Variants in SEZ6L2 observed in about 807,000 individuals in gnomAD.
SEZ6L2 encodes seizure related 6 homolog like 2.
In SEZ6L2, 44 loss-of-function variants were observed where a neutral mutation model predicts 97.0. The observed-to-expected ratio is 0.45, with a 90% CI of 0.36 to 0.58. SEZ6L2 has a LOEUF of 0.58. SEZ6L2 is among the 20% of genes least tolerant of loss of function. The pLI is 0.00. For synonymous variants in SEZ6L2, 543 were observed against 546.1 expected, an observed-to-expected ratio of 0.99 and a Z score of 0.08; for missense variants, 1,086 against 1,233.3, an observed-to-expected ratio of 0.88 and a Z score of 1.79.
At position 29,873,829 on chromosome 16, in the gene SEZ6L2, C is replaced by T. The variant is rs750032790; in HGVS notation, c.2105-100G>A. The T allele has an allele frequency of 2.1e-4, 239 of 1,117,170 alleles. 1 individual carries two copies. The highest frequency in any genetic ancestry group is 8.9e-4 in the South Asian group (55 of 62,072). 69.2% of individuals were successfully genotyped at this position (1,117,170 alleles called of 1,614,324 possible). A position where few individuals can be genotyped will look rare whatever the true frequency, so the allele number is the denominator to read the frequency against. On this transcript the variant is annotated intron_variant, in intron 12 of 17. Coordinates refer to ENST00000617533, the MANE Select transcript of SEZ6L2 (RefSeq NM_001243332.2). The surrounding 1 kb of genome is among the most constrained non-coding windows in gnomAD (Gnocchi z 4.3). ...TCTCTACAAAAAATTGAAAAATTAG[C>T]CAGGAGTGGTGGCGCACTCCTGTGG... is the stretch of plus-strand genomic sequence containing the variant.
Position 29,887,752 on chromosome 16 carries a change from C to T in SEZ6L2, c.1105G>A (p.Ala369Thr). 6.2e-7 allele frequency: 1 copy of T among 1,613,736 alleles called. No individual in the cohort carries two copies. Among genetic ancestry groups the T allele is most frequent in the Non-Finnish European group, 8.5e-7 (1 of 1,179,848 alleles). The part of the protein sequence containing the change: ...GRIVSPEPGG[A>T]VGPNLTCRWV... ...CGGCAGGTGAGGTTGGGCCCTACGGCTCCCCCAGGCTCTGGGGACACGATG... is the reference window on the plus strand; with the variant it reads ...CGGCAGGTGAGGTTGGGCCCTACGGTTCCCCCAGGCTCTGGGGACACGATG... Residue 369 changes from alanine (A) to threonine (T), a missense_variant, in exon 7 of 18, where the codon GCC becomes ACC. By Grantham distance (58) the Ala-to-Thr change is moderately conservative (BLOSUM62 0). Coordinates refer to ENST00000617533, the MANE Select transcript of SEZ6L2 (RefSeq NM_001243332.2).
In SEZ6L2 at chr16:29,895,395, G is replaced by A. The variant is rs1384510766; in HGVS notation, c.717C>T (p.Gly239=). 6.2e-7 allele frequency: 1 copy of A among 1,614,096 alleles called. No homozygotes were observed. The highest frequency in any genetic ancestry group is 1.7e-5 in the Admixed American group (1 of 60,004). Residue 239 remains glycine (G), a synonymous_variant, in exon 5 of 18, where the codon GGC becomes GGT. Transcript: ENST00000617533. ...LLVLAGGGSP[G]LAPRLLANSS... is the part of the protein sequence containing the mutation. ...AGTTGGCCAGGAGTCGGGGGGCCAGGCCTGGGGATCCCCCACCAGCCAGCA... is the reference window on the plus strand; with the variant it reads ...AGTTGGCCAGGAGTCGGGGGGCCAGACCTGGGGATCCCCCACCAGCCAGCA...
Position 29,877,438 on chromosome 16 carries a change from G to C in SEZ6L2, c.1742C>G (p.Thr581Arg). The change falls in exon 11 of 18, where the codon ACG (threonine) becomes AGG (arginine). Residue 581 changes from threonine to arginine, a missense_variant. Around this residue, in one of 2 missense-constraint regions of SEZ6L2, gnomAD observed 776 missense variants for 794.7 expected, o/e 0.98. Transcript: ENST00000617533. The part of the protein sequence containing the change: ...ILNVREGDML[T>R]LFDGDGPSAR... Reference sequence around the variant, plus strand: ...GCTGGGACCGTCCCCGTCGAACAGCGTCAGCATGTCCCCTTCCCGCACATT... The same window carrying C: ...GCTGGGACCGTCCCCGTCGAACAGCCTCAGCATGTCCCCTTCCCGCACATT... 1 of 1,606,638 alleles carries C rather than the reference G, an allele frequency of 6.2e-7. No homozygotes were observed. Among genetic ancestry groups the C allele is most frequent in the South Asian group, 1.1e-5 (1 of 90,164 alleles).
chr16:29,899,087 T>C lies in SEZ6L2; in HGVS notation c.-68A>G. On this transcript the variant is annotated 5_prime_UTR_variant, in exon 1 of 18. Transcript: ENST00000617533. ...ATCTGGCTGCCACCTTTCCTCCGTC[T>C]CCGTTTATCTTTCCCTTTAATTGTT... The C allele has an allele frequency of 1.1e-6, 1 of 872,974 alleles. No homozygotes were observed. The highest frequency in any genetic ancestry group is 1.8e-6 in the Non-Finnish European group (1 of 563,774). 54.1% of individuals were successfully genotyped at this position (872,974 alleles called of 1,614,324 possible). A position where few individuals can be genotyped will look rare whatever the true frequency, so the allele number is the denominator to read the frequency against.
intron 8 of SEZ6L2, among the ~76,000 whole-genome samples, chr16:29,882,212 C>T (rs2150792972): frequency 6.6e-6 from 1 of 151,994 alleles, no homozygotes; most frequent in East Asian, 2.0e-4. Flanking sequence ...CTCAAGTGAT[C>T]CACCTGCCTC....
chr16:29,877,571 C>A (rs1453549562), intron 10 of SEZ6L2, 104 bp from the exon 11 acceptor site: 13 of 1,033,254 alleles, frequency 1.3e-5, no homozygotes, highest in Non-Finnish European at 5.4e-6. Flanking sequence ...CTCCTACTCT[C>A]CAGCCCCGCC....
chr16:29,888,732 C>T lies in SEZ6L2; in HGVS notation c.854-7G>A, dbSNP rs927282011. On this transcript the variant is annotated splice_polypyrimidine_tract_variant and splice_region_variant and intron_variant, in intron 5 of 17. Transcript: ENST00000617533. ...CCACAGCTCAGGAGGTAGGCTGCACCAGACAGACAGCGGGTAGCAGGGCTC... is the reference window on the plus strand; with the variant it reads ...CCACAGCTCAGGAGGTAGGCTGCACTAGACAGACAGCGGGTAGCAGGGCTC... 11 of 1,606,938 alleles carry T rather than the reference C, an allele frequency of 6.8e-6. No homozygotes were observed. Among genetic ancestry groups the T allele is most frequent in the Non-Finnish European group, 8.5e-6 (10 of 1,176,686 alleles).
chr16:29,888,153 G>A (rs950480987), intron 6 of SEZ6L2, among the ~76,000 whole-genome samples: 2 of 152,138 alleles, frequency 1.3e-5, no homozygotes, highest in African/African-American at 4.8e-5. Flanking sequence ...CTTCAGGACA[G>A]GACTTTCAGA....
At chr16:29,895,629 G>A (rs2068368892) in intron 4 of SEZ6L2, 92 bp downstream of exon 4, 1 of 1,483,756 alleles carries the variant, frequency 6.7e-7, no homozygotes, top group South Asian at 1.3e-5. Flanking sequence ...TCATCAGACA[G>A]GTTCTTTGGC....
intron 9 of SEZ6L2, among the ~76,000 whole-genome samples, chr16:29,879,364 TACA>T (rs2067982262): frequency 6.6e-6 from 1 of 151,988 alleles, no homozygotes; most frequent in Admixed American, 6.6e-5. Flanking sequence ...TAGCTGGGAT[TACA>T]GGCATGCATC....
rs2068473174 is a variant in SEZ6L2, at chr16:29,899,064, C to T, written c.-45G>A. ...TCTCCTCTGTGCCTCTCTAAGTAAT[C>T]TGGCTGCCACCTTTCCTCCGTCTCC... On this transcript the variant is annotated 5_prime_UTR_variant, in exon 1 of 18. Coordinates refer to ENST00000617533, the MANE Select transcript of SEZ6L2 (RefSeq NM_001243332.2). 3 of 1,336,158 alleles carry T rather than the reference C, an allele frequency of 2.2e-6. No homozygotes were observed. Among genetic ancestry groups the T allele is most frequent in the Middle Eastern group, 1.8e-4 (1 of 5,516 alleles). The allele number at this position is 1,336,158 out of a possible 1,614,324, so 82.8% of individuals were successfully genotyped here.
intron 12 of SEZ6L2, among the ~76,000 whole-genome samples, chr16:29,874,369 T>G (rs2067853260): frequency 6.6e-6 from 1 of 151,818 alleles, no homozygotes; most frequent in Non-Finnish European, 1.5e-5. Flanking sequence ...AGCTCTCCTG[T>G]CCCCAGTATT....
intron 7 of SEZ6L2, among the ~76,000 whole-genome samples, chr16:29,886,356 G>A (rs944498889): frequency 1.3e-5 from 2 of 151,884 alleles, no homozygotes; most frequent in South Asian, 2.1e-4. Context: ...GTGACAGAGC[G>A]AAAGTCTGTC....
At chr16:29,884,121 C>T (rs930103294) in intron 8 of SEZ6L2, among the ~76,000 whole-genome samples, 8 of 152,048 alleles carry the variant, frequency 5.3e-5, no homozygotes, top group Admixed American at 4.6e-4. Flanking sequence ...AGTTGGAGCC[C>T]ACCAGGGAAG....
intron 8 of SEZ6L2, among the ~76,000 whole-genome samples, chr16:29,883,910 C>G (rs2068078407): frequency 6.6e-6 from 1 of 151,832 alleles, no homozygotes; most frequent in African/African-American, 2.4e-5. Context: ...ACGGCCTGGG[C>G]GACAAAGCAA....
Position 29,888,640 on chromosome 16 carries a change from G to T in SEZ6L2, c.939C>A (p.Thr313=). 1 of 1,614,072 alleles carries T rather than the reference G, an allele frequency of 6.2e-7. No individual in the cohort carries two copies. Among genetic ancestry groups the T allele is most frequent in the Non-Finnish European group, 8.5e-7 (1 of 1,179,976 alleles). The change falls in exon 6 of 18, where the codon ACC becomes ACA. Residue 313 remains threonine (T), a synonymous_variant. Coordinates refer to ENST00000617533, the MANE Select transcript of SEZ6L2 (RefSeq NM_001243332.2). The part of the protein sequence containing the change: ...VTDLHPGGTA[T]FHCDSGYQLQ... Reference sequence around the variant, plus strand: ...GCTGGTAGCCCGAATCACAGTGAAAGGTGGCAGTGCCCCCAGGGTGCAGGT... The same window carrying T: ...GCTGGTAGCCCGAATCACAGTGAAATGTGGCAGTGCCCCCAGGGTGCAGGT...
intron 8 of SEZ6L2, among the ~76,000 whole-genome samples, chr16:29,882,508 C>T (rs1267489796): frequency 5.4e-5 from 8 of 148,480 alleles, no homozygotes; most frequent in African/African-American, 1.0e-4. Context: ...ACCCGGAAGG[C>T]GGAGGTTGCA....
intron 7 of SEZ6L2, 73 bp from the exon 8 acceptor site, chr16:29,885,822 A>G (rs777576772): frequency 6.1e-6 from 9 of 1,472,850 alleles, no homozygotes; most frequent in Non-Finnish European, 1.8e-6. Context: ...CTGCTTTCCT[A>G]ACTTATTTTT....
At position 29,898,799 on chromosome 16, in the gene SEZ6L2, G is replaced by A. The variant is rs567869409; in HGVS notation, c.79+142C>T. 2.6e-3 allele frequency: 1,655 copies of A among 639,472 alleles called. 30 individuals are homozygous for A. The highest frequency in any genetic ancestry group is 0.018 in the South Asian group (986 of 53,872). 39.6% of individuals were successfully genotyped at this position (639,472 alleles called of 1,614,324 possible). On this transcript the variant is annotated intron_variant, in intron 1 of 17. Transcript: ENST00000617533. ...AGGGGCTTCGGGTTCAAGCCTGAAA[G>A]CTCTGGCTTGCCCCTTCCCCATCAG...
Sources: gnomAD v4.1 joint callset for allele counts (sites outside exome capture counted in the v4.1 genomes callset) on GRCh38, gnomAD v4.1.1 for gene constraint, gnomAD v4.1.1 regional missense constraint, Gnocchi (gnomAD v3.1) non-coding constraint, MANE v1.5 for transcripts, NCBI Gene and HGNC (gene_info 2026-07-23, HGNC 2026-07-21) for gene names.